The following SV2C variants were observed in gnomAD, a reference collection of about 807,000 sequenced individuals.
SV2C encodes synaptic vesicle glycoprotein 2C, also known as solute carrier family 22 member B3.
A neutral mutation model predicts 79.7 loss-of-function variants in SV2C; 49 were observed. That is an observed-to-expected ratio of 0.61 (90% CI 0.49 to 0.78). The LOEUF (loss-of-function observed/expected upper bound fraction) is 0.78, where lower values mean the gene tolerates loss of function less well. Ranked by LOEUF, SV2C falls within the 30% of genes least tolerant of loss-of-function variation. The probability of loss-of-function intolerance (pLI) is 0.00; values close to 1 mark genes in which losing one functional copy is unlikely to be tolerated. For synonymous variants in SV2C, 334 were observed against 333.2 expected (o/e 1.00, Z -0.03); for missense variants, 833 against 912.9 (o/e 0.91, Z 1.13).
chr5:76,043,697 T>G, the SV2C span, among the ~76,000 whole-genome samples: 2 of 152,202 alleles, frequency 1.3e-5, no homozygotes, highest in African/African-American at 4.8e-5. Context: ...AGTGTATAAC[T>G]TTAATTATTT....
chr5:76,338,936 G>A (rs961581063), downstream of SV2C, among the ~76,000 whole-genome samples: 15 of 152,140 alleles, frequency 9.9e-5, no homozygotes, highest in Admixed American at 6.5e-5. Context: ...GATGACAGGT[G>A]TGAGCCACCG....
At chr5:76,302,223 A>G (rs866650626) in intron 12 of SV2C, among the ~76,000 whole-genome samples, 1 of 152,216 alleles carries the variant, frequency 6.6e-6, no homozygotes, top group African/African-American at 2.4e-5. Context: ...TTAGGTTTGC[A>G]GATGTGTCTG....
At chr5:75,852,692 GGCA>G in the SV2C span, among the ~76,000 whole-genome samples, 1 of 152,056 alleles carries the variant, frequency 6.6e-6, no homozygotes, top group South Asian at 2.1e-4. Flanking sequence ...TGGGCGTGGT[GGCA>G]GGTGCCTGTA....
At chr5:75,910,977 C>T in the SV2C span, 1 of 926,508 alleles carries the variant, frequency 1.1e-6, no homozygotes, top group Non-Finnish European at 1.8e-6. Context: ...CCAGTTCGAA[C>T]ATCTATGGCC....
intron 4 of SV2C, among the ~76,000 whole-genome samples, chr5:76,223,440 CATACAT>C (rs1326991628): frequency 1.4e-4 from 5 of 36,026 alleles, no homozygotes; most frequent in East Asian, 1.1e-3. Flanking sequence ...TATATACATA[CATACAT>C]ATATATATAT....
chr5:76,159,930 G>T (rs770535628), intron 2 of SV2C, among the ~76,000 whole-genome samples: 1 of 151,756 alleles, frequency 6.6e-6, no homozygotes, highest in Non-Finnish European at 1.5e-5. Context: ...ATATACTAGC[G>T]TTGAACAATC....
chr5:76,197,342 G>A (rs1206603437), intron 3 of SV2C, among the ~76,000 whole-genome samples: 2 of 152,158 alleles, frequency 1.3e-5, no homozygotes, highest in Non-Finnish European at 2.9e-5. Flanking sequence ...CAGGGGAGGA[G>A]GCAGAAAGAG....
chr5:76,310,429 G>A (rs1341892373), intron 12 of SV2C, among the ~76,000 whole-genome samples: 2 of 152,226 alleles, frequency 1.3e-5, no homozygotes, highest in Non-Finnish European at 2.9e-5. Flanking sequence ...GTGGGAGTGT[G>A]AGAGACCAGT....
chr5:75,929,193 T>C, the SV2C span, among the ~76,000 whole-genome samples: 1 of 151,648 alleles, frequency 6.6e-6, no homozygotes, highest in Non-Finnish European at 1.5e-5. Context: ...GTGTCCAGGG[T>C]TGACTGTCAC....
the SV2C span, among the ~76,000 whole-genome samples, chr5:75,949,351 T>TA: frequency 8.9e-4 from 135 of 152,138 alleles, 1 homozygote; most frequent in Non-Finnish European, 1.2e-3. Context: ...TGGTGGGGCT[T>TA]GGGCAGAGAA....
downstream of SV2C, among the ~76,000 whole-genome samples, chr5:76,335,723 A>C (rs1749304541): frequency 6.6e-6 from 1 of 152,160 alleles, no homozygotes; most frequent in South Asian, 2.1e-4. Flanking sequence ...TGTTTCAGAG[A>C]GCACAGGGTT....
At chr5:75,952,051 G>T in the SV2C span, among the ~76,000 whole-genome samples, 11 of 151,968 alleles carry the variant, frequency 7.2e-5, no homozygotes, top group Admixed American at 3.3e-4. Context: ...GTAGCCCAAA[G>T]AACTTATGAG....
intron 2 of SV2C, among the ~76,000 whole-genome samples, chr5:76,156,336 G>A (rs1269308105): frequency 1.3e-5 from 2 of 152,130 alleles, no homozygotes; most frequent in Admixed American, 1.3e-4. Flanking sequence ...TCATTCTATG[G>A]GGGGAAGGAA....
chr5:76,039,060 G>C, the SV2C span, among the ~76,000 whole-genome samples: 1 of 152,138 alleles, frequency 6.6e-6, no homozygotes, highest in African/African-American at 2.4e-5. Context: ...CTTTATACAG[G>C]ACTAGACATT....
chr5:76,217,754 G>GA (rs561938222), intron 4 of SV2C, among the ~76,000 whole-genome samples: 147 of 141,740 alleles, frequency 1.0e-3, no homozygotes, highest in South Asian at 2.0e-3. Flanking sequence ...TCAGAGAAAA[G>GA]AAAAAAAAAA....
the SV2C span, among the ~76,000 whole-genome samples, chr5:76,063,722 G>A: frequency 2.3e-4 from 35 of 152,170 alleles, no homozygotes; most frequent in African/African-American, 7.2e-4. Flanking sequence ...TTGTTTATAA[G>A]AACCCTGAGA....
At chr5:75,870,373 A>G in the SV2C span, among the ~76,000 whole-genome samples, 1 of 151,980 alleles carries the variant, frequency 6.6e-6, no homozygotes, top group Non-Finnish European at 1.5e-5. Context: ...CACATAGTAA[A>G]CAATGCATCA....
At chr5:76,134,069 A>T (rs1332442232) in intron 2 of SV2C, among the ~76,000 whole-genome samples, 1 of 152,192 alleles carries the variant, frequency 6.6e-6, no homozygotes, top group East Asian at 1.9e-4. Context: ...GCACAGTATG[A>T]CATACGGTTC....
chr5:76,088,541 C>G (rs1289170938), intron 1 of SV2C, among the ~76,000 whole-genome samples: 1 of 152,118 alleles, frequency 6.6e-6, no homozygotes. Flanking sequence ...GATAAGGGCA[C>G]TAATCCCATT....
Sources: gnomAD v4.1 joint callset for allele counts (sites outside exome capture counted in the v4.1 genomes callset) on GRCh38, gnomAD v4.1.1 for gene constraint, MANE v1.5 for transcripts, NCBI Gene and HGNC (gene_info 2026-07-23, HGNC 2026-07-21) for gene names.